The following SLC24A2 variants were observed in gnomAD, a reference collection of about 807,000 sequenced individuals.
SLC24A2 encodes solute carrier family 24 member 2.
SLC24A2 carries 36 observed loss-of-function variants against 62.0 expected under a neutral mutation model. The ratio of observed to expected loss-of-function variants is 0.58; its 90% CI spans 0.44 to 0.77. The LOEUF (loss-of-function observed/expected upper bound fraction) is 0.77, where lower values mean the gene tolerates loss of function less well. SLC24A2 is among the 30% of genes least tolerant of loss of function. SLC24A2 has a pLI of 0.00. For missense variants in SLC24A2, 846 were observed against 817.9 expected (o/e 1.03, Z -0.42); for synonymous variants, 358 against 294.0 (o/e 1.22, Z -2.23).
At chr9:19,659,561 T>G (rs1819035134) in intron 2 of SLC24A2, among the ~76,000 whole-genome samples, 1 of 152,156 alleles carries the variant, frequency 6.6e-6, no homozygotes, top group Non-Finnish European at 1.5e-5. Flanking sequence ...AAGGTAAAAC[T>G]CAAACGCTTA....
chr9:19,680,869 G>C (rs1396912576), intron 2 of SLC24A2, among the ~76,000 whole-genome samples: 1 of 151,526 alleles, frequency 6.6e-6, no homozygotes, highest in Non-Finnish European at 1.5e-5. Flanking sequence ...GTGTGTGTGT[G>C]TGTGTGTGTG....
chr9:19,527,157 GT>G (rs1267474539), intron 9 of SLC24A2, among the ~76,000 whole-genome samples: 2 of 152,012 alleles, frequency 1.3e-5, no homozygotes, highest in African/African-American at 2.4e-5. Flanking sequence ...TCTTATTTAT[GT>G]TGCCAAGTAT....
the SLC24A2 span, among the ~76,000 whole-genome samples, chr9:20,133,947 G>A: frequency 6.6e-6 from 1 of 152,164 alleles, no homozygotes; most frequent in Non-Finnish European, 1.5e-5. Flanking sequence ...TGTTTTGACA[G>A]AGGGGAAACT....
At chr9:19,798,348 A>G in the SLC24A2 span, among the ~76,000 whole-genome samples, 1 of 152,194 alleles carries the variant, frequency 6.6e-6, no homozygotes, top group Non-Finnish European at 1.5e-5. Context: ...TCCCAACTTT[A>G]TAGAACAAAA....
chr9:20,278,625 T>G, the SLC24A2 span, among the ~76,000 whole-genome samples: 4 of 152,214 alleles, frequency 2.6e-5, no homozygotes, highest in African/African-American at 9.6e-5. Flanking sequence ...ACTATCAGCA[T>G]TTTGGTCAAA....
the SLC24A2 span, among the ~76,000 whole-genome samples, chr9:20,236,480 G>A: frequency 6.6e-6 from 1 of 152,210 alleles, no homozygotes; most frequent in Non-Finnish European, 1.5e-5. Context: ...GCTAGAAGCT[G>A]TGAATCAAAA....
the SLC24A2 span, among the ~76,000 whole-genome samples, chr9:20,099,678 A>C: frequency 3.3e-5 from 5 of 152,208 alleles, no homozygotes; most frequent in African/African-American, 1.2e-4. Flanking sequence ...TACATAAAAC[A>C]ATCAGAGATT....
the SLC24A2 span, among the ~76,000 whole-genome samples, chr9:19,910,706 C>T: frequency 6.6e-6 from 1 of 152,046 alleles, no homozygotes; most frequent in African/African-American, 2.4e-5. Context: ...TATCTACCTT[C>T]AGATGTTCCT....
At chr9:20,105,794 A>G in the SLC24A2 span, among the ~76,000 whole-genome samples, 1 of 152,114 alleles carries the variant, frequency 6.6e-6, no homozygotes, top group Admixed American at 6.6e-5. Flanking sequence ...AAGAACTAAA[A>G]AGCAAGAGCA....
At chr9:20,126,115 C>T in the SLC24A2 span, among the ~76,000 whole-genome samples, 1 of 151,984 alleles carries the variant, frequency 6.6e-6, no homozygotes, top group Non-Finnish European at 1.5e-5. Flanking sequence ...AATTGGTATC[C>T]TTGCAGGAGA....
At chr9:19,730,874 CTT>C (rs1400370967) in intron 2 of SLC24A2, among the ~76,000 whole-genome samples, 1 of 103,814 alleles carries the variant, frequency 9.6e-6, no homozygotes, top group Non-Finnish European at 1.9e-5. Flanking sequence ...TCCTATAACT[CTT>C]AGGTTTTTTT....
the SLC24A2 span, among the ~76,000 whole-genome samples, chr9:20,058,219 T>C: frequency 2.0e-5 from 3 of 152,146 alleles, no homozygotes; most frequent in African/African-American, 7.2e-5. Flanking sequence ...AACATAAAAC[T>C]TAATTGAATA....
chr9:19,576,924 C>T lies in SLC24A2; in HGVS notation c.1228G>A (p.Glu410Lys). The T allele has an allele frequency of 6.2e-7, 1 of 1,610,466 alleles. No individual in the cohort carries two copies. Among genetic ancestry groups the T allele is most frequent in the Non-Finnish European group, 8.5e-7 (1 of 1,176,636 alleles). Residue 410 changes from glutamate (E) to lysine (K), a missense_variant and splice_region_variant, in exon 6 of 11, where the codon GAA becomes AAA. Transcript: ENST00000341998. The part of the protein sequence containing the change: ...ERQNGAANHV[E>K]KIELPNSTST... The stretch of plus-strand genomic sequence containing the variant: ...GGGGTGGATGTTTCCCTGCACTCAC[C>T]CACGTGGTTGGCAGCCCCATTCTGC...
chr9:20,229,799 C>A, the SLC24A2 span, among the ~76,000 whole-genome samples: 1 of 151,626 alleles, frequency 6.6e-6, no homozygotes, highest in Non-Finnish European at 1.5e-5. Context: ...TTGTTACATA[C>A]GTGTACATGT....
At chr9:19,925,459 T>TA in the SLC24A2 span, among the ~76,000 whole-genome samples, 31 of 152,378 alleles carry the variant, frequency 2.0e-4, no homozygotes, top group African/African-American at 7.5e-4. Context: ...TGTGAAGCTG[T>TA]AACTCCTTGT....
At chr9:20,218,486 C>A in the SLC24A2 span, among the ~76,000 whole-genome samples, 1 of 152,088 alleles carries the variant, frequency 6.6e-6, no homozygotes, top group Admixed American at 6.5e-5. Flanking sequence ...GTGTTGGGAG[C>A]ACTAAAACCC....
the SLC24A2 span, among the ~76,000 whole-genome samples, chr9:20,002,998 T>A: frequency 2.6e-5 from 4 of 152,176 alleles, no homozygotes; most frequent in African/African-American, 9.7e-5. Flanking sequence ...ATCCTGAAAT[T>A]CTTAATAGCT....
chr9:20,208,467 G>C, the SLC24A2 span, among the ~76,000 whole-genome samples: 1 of 152,170 alleles, frequency 6.6e-6, no homozygotes, highest in African/African-American at 2.4e-5. Flanking sequence ...AAAGATAAAT[G>C]GAGACTGTTT....
chr9:19,782,877 G>A (rs1051424595), intron 2 of SLC24A2, among the ~76,000 whole-genome samples: 11 of 152,040 alleles, frequency 7.2e-5, no homozygotes, highest in African/African-American at 7.2e-5. Context: ...AAATCACTGG[G>A]CTTATTACAC....
Sources: allele counts gnomAD v4.1 joint callset (sites outside exome capture counted in the v4.1 genomes callset), GRCh38; gene constraint gnomAD v4.1.1; transcripts MANE v1.5; gene names NCBI Gene and HGNC (gene_info 2026-07-23, HGNC 2026-07-21).